Variants in GPC3 observed in about 807,000 individuals in gnomAD.
GPC3 encodes glypican 3.
Under a neutral mutation model 34.4 loss-of-function variants are expected in GPC3, and 3 were observed. That is an observed-to-expected ratio of 0.09 (90% CI 0.04 to 0.23). The LOEUF (loss-of-function observed/expected upper bound fraction) is 0.23. GPC3 is among the 10% of genes least tolerant of loss of function. The pLI, the probability that GPC3 is intolerant of heterozygous loss-of-function variation, is 1.00. For missense variants in GPC3, 351 were observed against 445.6 expected (o/e 0.79, Z 1.91); for synonymous variants, 177 against 174.0 (o/e 1.02, Z -0.13).
At chrX:133,935,797 G>T (rs182157377) in intron 2 of GPC3, among the ~76,000 whole-genome samples, 2 of 111,134 alleles carry the variant, frequency 1.8e-5, no homozygotes, top group Admixed American at 1.9e-4. Context: ...AACTTTTCAG[G>T]ACTATATATG....
chrX:133,745,721 T>G (rs944416736), intron 3 of GPC3, among the ~76,000 whole-genome samples: 8 of 112,329 alleles, frequency 7.1e-5, no homozygotes, highest in African/African-American at 2.6e-4. Context: ...AACTTCTAAT[T>G]TCCTTGCCAG....
intron 7 of GPC3, among the ~76,000 whole-genome samples, chrX:133,556,297 C>T (rs1303868572): frequency 9.1e-6 from 1 of 110,368 alleles, no homozygotes. Context: ...AGCCCCCTTT[C>T]ACCTCCCCCT....
intron 5 of GPC3, among the ~76,000 whole-genome samples, chrX:133,682,349 T>C (rs1049424072): frequency 5.4e-5 from 6 of 111,800 alleles, no homozygotes. Flanking sequence ...GCCTGCTTGA[T>C]CAGCCACCTC....
chrX:133,978,291 C>T (rs371416798), intron 1 of GPC3, among the ~76,000 whole-genome samples: 3 of 111,892 alleles, frequency 2.7e-5, no homozygotes, highest in East Asian at 5.6e-4. Flanking sequence ...TAAGAAATGC[C>T]GAACACTGAG....
intron 7 of GPC3, among the ~76,000 whole-genome samples, chrX:133,584,790 TTTTA>T (rs2069769403): frequency 9.0e-6 from 1 of 111,010 alleles, no homozygotes; most frequent in Non-Finnish European, 1.9e-5. Flanking sequence ...TCTACTCCAT[TTTTA>T]TTTACTTGGT....
At chrX:133,794,640 A>C (rs1242032322) in intron 2 of GPC3, among the ~76,000 whole-genome samples, 1 of 111,368 alleles carries the variant, frequency 9.0e-6, no homozygotes, top group Non-Finnish European at 1.9e-5. Context: ...GAAAGACCAA[A>C]AGTAACTACC....
At chrX:133,888,751 T>A (rs1278244134) in intron 2 of GPC3, among the ~76,000 whole-genome samples, 2 of 112,429 alleles carry the variant, frequency 1.8e-5, no homozygotes, top group African/African-American at 6.5e-5. Context: ...AATCCAACAC[T>A]ATATCCTGCC....
At chrX:133,974,493 C>T (rs1237581552) in intron 1 of GPC3, among the ~76,000 whole-genome samples, 1 of 112,511 alleles carries the variant, frequency 8.9e-6, no homozygotes, top group Non-Finnish European at 1.9e-5. Context: ...TTTGGTAGTA[C>T]ATTATCTTAT....
Position 133,764,473 on chromosome X carries a change from T to A in GPC3, c.338-10297A>T, listed in dbSNP as rs191343510. On this transcript the variant is annotated intron_variant, in intron 2 of 7. Coordinates refer to ENST00000370818, the MANE Select transcript of GPC3 (RefSeq NM_004484.4). The stretch of plus-strand genomic sequence containing the variant: ...TATGACCCTTCCAAAATCTTCCAAC[T>A]TTTTACTTTTTCCACATCTTAAAAA... 3.6e-5 allele frequency among the ~76,000 whole-genome samples: 4 copies of A among 111,854 alleles called. No individual in the cohort carries two copies. In the East Asian group the frequency reaches 8.4e-4, roughly 24 times the overall value.
intron 5 of GPC3, among the ~76,000 whole-genome samples, chrX:133,669,137 G>A (rs2070801248): frequency 8.9e-6 from 1 of 111,828 alleles, no homozygotes; most frequent in Non-Finnish European, 1.9e-5. Context: ...AGGGTGGGCA[G>A]GTCAAAGCCA....
chrX:133,954,916 T>C (rs1322226941), intron 1 of GPC3, among the ~76,000 whole-genome samples: 2 of 109,397 alleles, frequency 1.8e-5, no homozygotes, highest in Non-Finnish European at 3.8e-5. Context: ...CCTGGCTAAT[T>C]TTTTGTATTG....
intron 2 of GPC3, among the ~76,000 whole-genome samples, chrX:133,852,901 T>C (rs1160454118): frequency 9.8e-6 from 1 of 101,557 alleles, no homozygotes; most frequent in Non-Finnish European, 2.0e-5. Context: ...TAAAGAACTA[T>C]CAGGGAAATT....
chrX:133,901,436 C>A (rs2076143453), intron 2 of GPC3, among the ~76,000 whole-genome samples: 1 of 110,325 alleles, frequency 9.1e-6, no homozygotes, highest in South Asian at 3.8e-4. Flanking sequence ...ATTATTATTT[C>A]ATTTTTTATT....
intron 2 of GPC3, among the ~76,000 whole-genome samples, chrX:133,932,077 C>A (rs184382639): frequency 2.7e-5 from 3 of 112,096 alleles, no homozygotes; most frequent in Non-Finnish European, 5.6e-5. Context: ...CATTGTACCC[C>A]ACCTCTCTTT....
At chrX:133,914,944 AATAT>A (rs35086661) in intron 2 of GPC3, among the ~76,000 whole-genome samples, 4,189 of 49,873 alleles carry the variant, frequency 0.084, 158 homozygotes, top group East Asian at 0.21. Context: ...TCAAACTGGA[AATAT>A]ATATATATAT....
chrX:133,622,962 C>T (rs1421751472), intron 6 of GPC3, among the ~76,000 whole-genome samples: 3 of 112,247 alleles, frequency 2.7e-5, no homozygotes, highest in Non-Finnish European at 3.8e-5. Flanking sequence ...GCTGATCTCT[C>T]GGCAAAAACT....
At chrX:133,933,650 T>C (rs1197416035) in intron 2 of GPC3, among the ~76,000 whole-genome samples, 1 of 109,244 alleles carries the variant, frequency 9.2e-6, no homozygotes, top group South Asian at 4.1e-4. Context: ...AATAGCGAGT[T>C]CTTTGGAGAT....
chrX:133,693,818 C>T (rs762513766), intron 4 of GPC3, among the ~76,000 whole-genome samples: 16 of 111,712 alleles, frequency 1.4e-4, no homozygotes, highest in African/African-American at 5.2e-4. Context: ...GGTGTGGTCC[C>T]CAAGGTGGCA....
rs139632625 is a variant in GPC3 at position 133,929,485 on chromosome X, T to G, written c.337+23565A>C. Among the ~76,000 whole-genome samples, 975 of 112,098 alleles carry G rather than the reference T, an allele frequency of 8.7e-3. 16 individuals are homozygous for G. Among genetic ancestry groups the G allele is most frequent in the African/African-American group, 0.03 (931 of 30,889 alleles). On this transcript the variant is annotated intron_variant, in intron 2 of 7. Transcript: ENST00000370818. ...GAATCCACAGAGTGACTAGGTGAAG[T>G]AGTCCAGCCAGGCCTGCTTAGCTTC... is the stretch of plus-strand genomic sequence containing the variant.
Sources: gnomAD v4.1 joint callset for allele counts (sites outside exome capture counted in the v4.1 genomes callset) on GRCh38, gnomAD v4.1.1 for gene constraint, MANE v1.5 for transcripts, NCBI Gene and HGNC (gene_info 2026-07-23, HGNC 2026-07-21) for gene names.